Variants in ADK observed in about 807,000 individuals in gnomAD.
The protein encoded by ADK is N6,N6-dimethyladenosine kinase.
Under a neutral mutation model 44.7 loss-of-function variants are expected in ADK, and 24 were observed. The observed-to-expected ratio is 0.54, with a 90% CI of 0.39 to 0.76. The LOEUF (loss-of-function observed/expected upper bound fraction) is 0.76. Ranked by LOEUF, ADK falls within the 30% of genes least tolerant of loss-of-function variation. The probability of loss-of-function intolerance (pLI) is 0.00; values close to 1 mark genes in which losing one functional copy is unlikely to be tolerated. For synonymous variants in ADK, 128 were observed against 142.6 expected (o/e 0.90, Z 0.73); for missense variants, 321 against 425.1 (o/e 0.76, Z 2.15).
At chr10:74,508,638 G>A (rs940721753) in intron 6 of ADK, among the ~76,000 whole-genome samples, 1 of 152,116 alleles carries the variant, frequency 6.6e-6, no homozygotes, top group African/African-American at 2.4e-5. Context: ...TTACTAGTTG[G>A]TTTAAACTAA....
intron 6 of ADK, among the ~76,000 whole-genome samples, chr10:74,431,700 C>T (rs1592204743): frequency 6.6e-6 from 1 of 152,160 alleles, no homozygotes; most frequent in East Asian, 1.9e-4. Context: ...TAGATTGTGC[C>T]ACTGTGCTCC....
chr10:74,520,789 A>G (rs1053317306), intron 6 of ADK, among the ~76,000 whole-genome samples: 1 of 152,048 alleles, frequency 6.6e-6, no homozygotes, highest in African/African-American at 2.4e-5. Flanking sequence ...GTCTGTCCCT[A>G]TCTGTCCTAC....
At chr10:74,512,013 A>G (rs1848352217) in intron 6 of ADK, among the ~76,000 whole-genome samples, 1 of 152,146 alleles carries the variant, frequency 6.6e-6, no homozygotes, top group African/African-American at 2.4e-5. Context: ...TTATGAAGGA[A>G]TATTAAATTT....
At chr10:74,607,810 A>AC (rs1333560394) in intron 9 of ADK, among the ~76,000 whole-genome samples, 1 of 152,020 alleles carries the variant, frequency 6.6e-6, no homozygotes, top group African/African-American at 2.4e-5. Flanking sequence ...TTCTTGGATA[A>AC]TATTCTGAAG....
intron 7 of ADK, among the ~76,000 whole-genome samples, chr10:74,583,896 G>A (rs1851447974): frequency 6.6e-6 from 1 of 152,116 alleles, no homozygotes; most frequent in Non-Finnish European, 1.5e-5. Flanking sequence ...GCCCACTCAT[G>A]TCCGGTCACA....
rs532198888 is a variant in ADK, at chr10:74,544,902, T to C, written c.726+19476T>C. 3.7e-4 allele frequency among the ~76,000 whole-genome samples: 56 copies of C among 151,820 alleles called. 1 individual carries two copies. Among genetic ancestry groups the C allele is most frequent in the Non-Finnish European group, 4.6e-4 (31 of 67,896 alleles). ...CGAGGAGTTTTTTCTTTCTTTCTTT[T>C]TTTTTTTTTGAGACGGAATCTTGCC... On this transcript the variant is annotated intron_variant, in intron 7 of 10. Transcript: ENST00000539909.
chr10:74,708,170 A>G (rs1856673276), intron 10 of ADK, 151 bp from the exon 11 acceptor site: 2 of 743,254 alleles, frequency 2.7e-6, no homozygotes, highest in Non-Finnish European at 4.3e-6. Flanking sequence ...AAAAAAAAAA[A>G]GACCTCCCTA....
intron 6 of ADK, among the ~76,000 whole-genome samples, chr10:74,456,532 T>A (rs533681752): frequency 6.6e-6 from 1 of 151,858 alleles, no homozygotes; most frequent in African/African-American, 2.4e-5. Flanking sequence ...CCGGGCGTGA[T>A]GGCGGGTGCC....
At chr10:74,472,355 T>C (rs981422009) in intron 6 of ADK, among the ~76,000 whole-genome samples, 2 of 152,218 alleles carry the variant, frequency 1.3e-5, no homozygotes, top group Non-Finnish European at 2.9e-5. Flanking sequence ...CTTTTTTTTA[T>C]TTAATTATAA....
chr10:74,377,751 C>T (rs1592124878), intron 4 of ADK, among the ~76,000 whole-genome samples: 3 of 152,080 alleles, frequency 2.0e-5, no homozygotes, highest in Non-Finnish European at 2.9e-5. Flanking sequence ...TTGTTTAACT[C>T]TTAGGAAAAA....
chr10:74,429,206 G>A (rs533469173), intron 6 of ADK, among the ~76,000 whole-genome samples: 1 of 152,326 alleles, frequency 6.6e-6, no homozygotes, highest in East Asian at 1.9e-4. Flanking sequence ...AGTCATAAAA[G>A]ACACTTGGCA....
At chr10:74,275,812 T>C (rs1182539203) in intron 3 of ADK, among the ~76,000 whole-genome samples, 1 of 152,082 alleles carries the variant, frequency 6.6e-6, no homozygotes, top group Admixed American at 6.6e-5. Flanking sequence ...GGGTAATTTT[T>C]GTATTTTTAG....
At chr10:74,669,848 C>T (rs1324189999) in intron 9 of ADK, among the ~76,000 whole-genome samples, 1 of 152,104 alleles carries the variant, frequency 6.6e-6, no homozygotes, top group Non-Finnish European at 1.5e-5. Flanking sequence ...CAATCCATAC[C>T]AACACTTCCT....
At chr10:74,227,829 C>T (rs796147415) in intron 3 of ADK, among the ~76,000 whole-genome samples, 5 of 151,500 alleles carry the variant, frequency 3.3e-5, no homozygotes, top group South Asian at 2.1e-4. Flanking sequence ...GGTGACAGGG[C>T]GAGACTCTGT....
intron 6 of ADK, among the ~76,000 whole-genome samples, chr10:74,440,280 C>G (rs1172001337): frequency 2.0e-5 from 3 of 151,612 alleles, no homozygotes. Context: ...ATTCTGTTAT[C>G]CATTTGAAAA....
At chr10:74,294,819 C>T (rs1839752826) in intron 3 of ADK, among the ~76,000 whole-genome samples, 1 of 151,930 alleles carries the variant, frequency 6.6e-6, no homozygotes, top group South Asian at 2.1e-4. Flanking sequence ...GTTTTTTACC[C>T]AGTTTTCTAT....
At chr10:74,275,679 G>C (rs1846644942) in intron 3 of ADK, among the ~76,000 whole-genome samples, 3 of 151,808 alleles carry the variant, frequency 2.0e-5, no homozygotes, top group Admixed American at 2.0e-4. Flanking sequence ...TCTTCTTTGA[G>C]ACAGAGTCTC....
At chr10:74,159,233 A>G (rs550072375) in intron 1 of ADK, among the ~76,000 whole-genome samples, 32 of 152,258 alleles carry the variant, frequency 2.1e-4, no homozygotes, top group Admixed American at 1.6e-3. Flanking sequence ...TGACTTTAGT[A>G]TTTTCTTTAC....
intron 3 of ADK, among the ~76,000 whole-genome samples, chr10:74,303,600 T>TG (rs1564643386): frequency 1.5e-5 from 2 of 134,966 alleles, no homozygotes; most frequent in African/African-American, 2.8e-5. Context: ...TTTTTTTTTT[T>TG]TTTTTTTTTT....
Sources: gnomAD v4.1 joint callset for allele counts (sites outside exome capture counted in the v4.1 genomes callset) on GRCh38, gnomAD v4.1.1 for gene constraint, MANE v1.5 for transcripts, NCBI Gene and HGNC (gene_info 2026-07-23, HGNC 2026-07-21) for gene names.